Variants in GRXCR1 observed in about 807,000 individuals in gnomAD.
GRXCR1 encodes glutaredoxin and cysteine rich domain containing 1, also known as glutaredoxin domain-containing cysteine-rich protein 1.
In GRXCR1, 27 loss-of-function variants were observed where a neutral mutation model predicts 27.3. The observed-to-expected ratio is 0.99, with a 90% CI of 0.73 to 1.37. The LOEUF is 1.37. Among genes scored for constraint, GRXCR1 ranks in the 40% most tolerant of loss-of-function variants. The pLI, the probability that GRXCR1 is intolerant of heterozygous loss-of-function variation, is 0.00. For synonymous variants in GRXCR1, 122 were observed against 131.1 expected (o/e 0.93, Z 0.47); for missense variants, 379 against 354.4 (o/e 1.07, Z -0.56).
chr4:42,927,560 C>G (rs1170726809), intron 1 of GRXCR1, among the ~76,000 whole-genome samples: 1 of 151,928 alleles, frequency 6.6e-6, no homozygotes, highest in Non-Finnish European at 1.5e-5. Context: ...AAATTCAATT[C>G]TTTCACCCAA....
At chr4:42,987,259 A>G (rs1329435616) in intron 2 of GRXCR1, among the ~76,000 whole-genome samples, 4 of 92,844 alleles carry the variant, frequency 4.3e-5, no homozygotes, top group Admixed American at 1.3e-4. Flanking sequence ...ATATATATAT[A>G]TAATATATAT....
intron 3 of GRXCR1, among the ~76,000 whole-genome samples, chr4:43,028,072 A>G (rs575090569): frequency 6.6e-6 from 1 of 151,978 alleles, no homozygotes; most frequent in East Asian, 1.9e-4. Context: ...AGGTCGCACC[A>G]CTGCACTCCA....
At chr4:42,899,565 T>G (rs985451122) in intron 1 of GRXCR1, among the ~76,000 whole-genome samples, 4 of 152,156 alleles carry the variant, frequency 2.6e-5, no homozygotes, top group Non-Finnish European at 5.9e-5. Context: ...CATTTTATTT[T>G]GGATCTTTTT....
Position 42,892,961 on chromosome 4 carries a change from A to AT in GRXCR1, c.-304dup, listed in dbSNP as rs377514888. ...TTTCTTGCCCCATACATATTTTCAG[A>AT]TTCGCTGCATGCCACTTTCTTGCAC... On this transcript the variant is annotated 5_prime_UTR_variant, in exon 1 of 4. The change creates a premature stop within an existing upstream ORF in the 5' untranslated region. Transcript: ENST00000399770. Among the ~76,000 whole-genome samples, 6 of 152,196 alleles carry AT rather than the reference A, an allele frequency of 3.9e-5. No homozygotes were observed. The highest frequency in any genetic ancestry group is 1.4e-4 in the African/African-American group (6 of 41,554).
chr4:42,906,310 T>C (rs973557844), intron 1 of GRXCR1, among the ~76,000 whole-genome samples: 7 of 152,194 alleles, frequency 4.6e-5, no homozygotes, highest in Non-Finnish European at 1.0e-4. Context: ...ATGTGCACCA[T>C]AGTTCACCCA....
At chr4:42,942,053 T>A (rs986683919) in intron 1 of GRXCR1, among the ~76,000 whole-genome samples, 3 of 152,088 alleles carry the variant, frequency 2.0e-5, no homozygotes, top group Admixed American at 2.0e-4. Flanking sequence ...CTTGTTCTTG[T>A]CCTGTCTTTA....
rs117720715 is a variant in GRXCR1 at position 42,912,234 on chromosome 4, A to G, written c.384+18584A>G. Among the ~76,000 whole-genome samples, 45 of 152,308 alleles carry G rather than the reference A, an allele frequency of 3.0e-4. No homozygotes were observed. The East Asian group carries it at 6.8e-3, about 23-fold the overall frequency. On this transcript the variant is annotated intron_variant, in intron 1 of 3. Transcript: ENST00000399770. Reference sequence around the variant, plus strand: ...TATCCGGCATAAATGTGTAAGATGCATTGAAGGAGAGCAGTTTGTAGGTTA... The same window carrying G: ...TATCCGGCATAAATGTGTAAGATGCGTTGAAGGAGAGCAGTTTGTAGGTTA...
At chr4:42,987,275 TATAG>T (rs1473120870) in intron 2 of GRXCR1, among the ~76,000 whole-genome samples, 58 of 102,202 alleles carry the variant, frequency 5.7e-4, no homozygotes, top group African/African-American at 1.7e-3. Context: ...TATATATATA[TATAG>T]AGAGAGAGAG....
chr4:42,964,471 T>C (rs536114692), intron 2 of GRXCR1, among the ~76,000 whole-genome samples: 3 of 152,182 alleles, frequency 2.0e-5, no homozygotes, highest in East Asian at 1.9e-4. Context: ...ACTTATCCCA[T>C]AGGCTGATTG....
chr4:42,977,589 T>C (rs1346852138), intron 2 of GRXCR1, among the ~76,000 whole-genome samples: 1 of 152,034 alleles, frequency 6.6e-6, no homozygotes. Flanking sequence ...AAAATGTAAC[T>C]ATTAGTCATT....
intron 3 of GRXCR1, among the ~76,000 whole-genome samples, chr4:43,027,795 A>G (rs1713302165): frequency 6.6e-6 from 1 of 152,162 alleles, no homozygotes; most frequent in African/African-American, 2.4e-5. Context: ...ATATTGAAAT[A>G]TGTTTGTACT....
intron 1 of GRXCR1, among the ~76,000 whole-genome samples, chr4:42,894,245 GA>G (rs1384827485): frequency 6.6e-6 from 1 of 151,992 alleles, no homozygotes; most frequent in Admixed American, 6.6e-5. Flanking sequence ...TAAATGTACA[GA>G]CTGAGATCTA....
At chr4:42,904,729 A>G (rs1487785729) in intron 1 of GRXCR1, among the ~76,000 whole-genome samples, 1 of 152,156 alleles carries the variant, frequency 6.6e-6, no homozygotes, top group African/African-American at 2.4e-5. Flanking sequence ...CTTCAAACAA[A>G]TTGTGAATCA....
In GRXCR1 at chr4:42,963,069, C is replaced by T. The variant is rs772625515; in HGVS notation, c.562C>T (p.Arg188Ter). ...TGAATATGGAAAAGAGTTAGACGAA[C>T]GATGCCGACGAGTTTCTGAAGCTCC... ...NGEYGKELDE[R>*]CRRVSEAPSL... is the part of the protein sequence containing the mutation. Residue 188 changes from arginine (R) to a stop codon, truncating the protein, a stop_gained, in exon 2 of 4, where the codon CGA becomes TGA. Coordinates refer to ENST00000399770, the MANE Select transcript of GRXCR1 (RefSeq NM_001080476.3). LOFTEE classifies it high-confidence loss of function. 10 of 1,612,610 alleles carry T rather than the reference C, an allele frequency of 6.2e-6. No homozygotes were observed. The highest frequency in any genetic ancestry group is 1.3e-5 in the African/African-American group (1 of 74,816).
intron 1 of GRXCR1, among the ~76,000 whole-genome samples, chr4:42,943,263 T>C (rs1747664350): frequency 6.6e-6 from 1 of 152,152 alleles, no homozygotes; most frequent in Admixed American, 6.6e-5. Flanking sequence ...ATAGTTATTT[T>C]GTTTATCCTT....
At chr4:43,014,071 A>G (rs1712855466) in intron 2 of GRXCR1, among the ~76,000 whole-genome samples, 1 of 145,276 alleles carries the variant, frequency 6.9e-6, no homozygotes. Flanking sequence ...AAAAAAAAAA[A>G]GTCAACTAGT....
chr4:42,895,913 G>A (rs774469206), intron 1 of GRXCR1, among the ~76,000 whole-genome samples: 1 of 152,006 alleles, frequency 6.6e-6, no homozygotes, highest in Non-Finnish European at 1.5e-5. Flanking sequence ...CAAAGTAAGC[G>A]GTAAACTTGA....
At chr4:42,902,307 G>C (rs1199888150) in intron 1 of GRXCR1, among the ~76,000 whole-genome samples, 2 of 152,156 alleles carry the variant, frequency 1.3e-5, no homozygotes, top group Non-Finnish European at 2.9e-5. Context: ...AAAGACAAAT[G>C]ATGCGAGAGT....
chr4:42,959,497 A>C (rs1748082117), intron 1 of GRXCR1, among the ~76,000 whole-genome samples: 5 of 151,884 alleles, frequency 3.3e-5, no homozygotes, highest in Admixed American at 3.3e-4. Flanking sequence ...TATAGTTAAT[A>C]ATATTATATT....
Sources: gnomAD v4.1 joint callset for allele counts (sites outside exome capture counted in the v4.1 genomes callset) on GRCh38, gnomAD v4.1.1 for gene constraint, MANE v1.5 for transcripts, NCBI Gene and HGNC (gene_info 2026-07-23, HGNC 2026-07-21) for gene names.